Variants in SLC6A11 observed in about 807,000 individuals in gnomAD.
SLC6A11 encodes the protein sodium- and chloride-dependent GABA transporter 3.
SLC6A11 carries 25 observed loss-of-function variants against 74.8 expected under a neutral mutation model. That is an observed-to-expected ratio of 0.33 (90% CI 0.24 to 0.47). SLC6A11 has a LOEUF of 0.47. SLC6A11 is among the 20% of genes least tolerant of loss of function. The probability of loss-of-function intolerance (pLI) is 1.00; values close to 1 mark genes in which losing one functional copy is unlikely to be tolerated. For synonymous variants in SLC6A11, 330 were observed against 330.2 expected, an observed-to-expected ratio of 1.00 and a Z score of 0.01; for missense variants, 574 against 837.0, an observed-to-expected ratio of 0.69 and a Z score of 3.88.
chr3:10,860,860 G>A (rs1694694839), intron 5 of SLC6A11, among the ~76,000 whole-genome samples: 1 of 152,234 alleles, frequency 6.6e-6, no homozygotes, highest in African/African-American at 2.4e-5. Flanking sequence ...TAATTTTGGT[G>A]TTGAGTATGT....
chr3:10,869,943 G>A (rs1177115650), intron 5 of SLC6A11, among the ~76,000 whole-genome samples: 1 of 152,172 alleles, frequency 6.6e-6, no homozygotes, highest in East Asian at 1.9e-4. Context: ...TGTGGGGGAA[G>A]CTGAGAAGAG....
In SLC6A11 at chr3:10,938,755, G is replaced by C. The variant is rs1323483779; in HGVS notation, c.*353G>C. On this transcript the variant is annotated 3_prime_UTR_variant, in exon 14 of 14. Transcript: ENST00000254488. ...CCAGGTGGGGTGGGGAGTGATGGCT[G>C]TCCTCCTCTGTCGGCCTTTTAATGA... 6.1e-6 allele frequency: 1 copy of C among 164,498 alleles called. No individual in the cohort carries two copies. Among genetic ancestry groups the C allele is most frequent in the African/African-American group, 2.4e-5 (1 of 41,958 alleles). The allele number at this position is 164,498 out of a possible 1,614,324, so 10.2% of individuals were successfully genotyped here.
In SLC6A11 at chr3:10,881,110, G is replaced by A. The variant is rs115431494; in HGVS notation, c.891+6015G>A. On this transcript the variant is annotated intron_variant, in intron 6 of 13. Transcript: ENST00000254488. ...CGACTTGTGCCTTTTATACATTAGA[G>A]TGGGCTTAAAGTGACTGCATTTAGG... Among the ~76,000 whole-genome samples the A allele has an allele frequency of 9.0e-3, 1,376 of 152,282 alleles. 14 individuals carry two copies. Among genetic ancestry groups the A allele is most frequent in the Middle Eastern group, 0.014 (4 of 294 alleles).
In SLC6A11 at chr3:10,907,876, C is replaced by A. The variant is rs117169398; in HGVS notation, c.892-4214C>A. Among the ~76,000 whole-genome samples the A allele has an allele frequency of 9.7e-3, 1,484 of 152,308 alleles. 89 individuals are homozygous for A. The East Asian group carries it at 0.12, about 12-fold the overall frequency. On this transcript the variant is annotated intron_variant, in intron 6 of 13. Coordinates refer to ENST00000254488, the MANE Select transcript of SLC6A11 (RefSeq NM_014229.3). ...CTTTCCAGAGGAATTTACTGGAAAA[C>A]ATTCTACAGATAACAAAATTGACTG...
rs1300245826 is a variant in SLC6A11 at position 10,935,150 on chromosome 3, C to T, written c.1697C>T (p.Pro566Leu). The change falls in exon 13 of 14, where the codon CCG becomes CTG. Residue 566 changes from proline (P) to leucine (L), a missense_variant. Physicochemically the swap from Pro to Leu is moderately conservative, Grantham distance 98. Coordinates refer to ENST00000254488, the MANE Select transcript of SLC6A11 (RefSeq NM_014229.3). ...GCCCTGTCCTCCATGCTCTGCATCC[C>T]GCTCTGGATCTGCATCACAGTGTGG... Reference protein sequence around the residue: ...LMALSSMLCIPLWICITVWKT... With the variant: ...LMALSSMLCILLWICITVWKT... 5 of 1,614,114 alleles carry T rather than the reference C, an allele frequency of 3.1e-6. No individual in the cohort carries two copies. The highest frequency in any genetic ancestry group is 4.2e-6 in the Non-Finnish European group (5 of 1,180,042).
chr3:10,821,517 G>A (rs1318468930), intron 3 of SLC6A11, among the ~76,000 whole-genome samples: 1 of 152,158 alleles, frequency 6.6e-6, no homozygotes, highest in Non-Finnish European at 1.5e-5. Context: ...GTCCATGGAG[G>A]AATAAACCAC....
At chr3:10,861,635 T>G (rs979342475) in intron 5 of SLC6A11, among the ~76,000 whole-genome samples, 1 of 152,134 alleles carries the variant, frequency 6.6e-6, no homozygotes, top group African/African-American at 2.4e-5. Flanking sequence ...GTTTTAAAGC[T>G]GCAAAGATAG....
In SLC6A11 at chr3:10,936,582, G is replaced by A. The variant is rs564315565; in HGVS notation, c.1746+1383G>A. Among the ~76,000 whole-genome samples, 8 of 152,334 alleles carry A rather than the reference G, an allele frequency of 5.3e-5. No individual in the cohort carries two copies. In the East Asian group the frequency reaches 1.2e-3, roughly 22 times the overall value. Reference sequence around the variant, plus strand: ...AATAGTCATGCATCCAGCCAGAAGGGGCCAGCCACAAAGGAAAGTCTCTTT... The same window carrying A: ...AATAGTCATGCATCCAGCCAGAAGGAGCCAGCCACAAAGGAAAGTCTCTTT... On this transcript the variant is annotated intron_variant, in intron 13 of 13. Transcript: ENST00000254488.
intron 5 of SLC6A11, among the ~76,000 whole-genome samples, chr3:10,853,842 G>T (rs969795763): frequency 7.9e-5 from 12 of 152,300 alleles, no homozygotes; most frequent in African/African-American, 2.4e-4. Context: ...TAGCCACCTT[G>T]CACGTGACAG....
At chr3:10,873,385 G>GCTATCCTATCCTATCC (rs1694850882) in intron 5 of SLC6A11, among the ~76,000 whole-genome samples, 1 of 118,766 alleles carries the variant, frequency 8.4e-6, no homozygotes, top group African/African-American at 3.4e-5. Flanking sequence ...CTTCATTATT[G>GCTATCCTATCCTATCC]TATCCTATCC....
chr3:10,840,047 T>G (rs1694418017), intron 4 of SLC6A11, among the ~76,000 whole-genome samples: 1 of 152,134 alleles, frequency 6.6e-6, no homozygotes. Flanking sequence ...ATTCCTCCCA[T>G]GGCAGCTAGA....
Position 10,823,330 on chromosome 3 carries a change from T to A in SLC6A11, c.561T>A (p.Asn187Lys), listed in dbSNP as rs1348901964. 1 of 1,613,692 alleles carries A rather than the reference T, an allele frequency of 6.2e-7. No homozygotes were observed. Among genetic ancestry groups the A allele is most frequent in the Non-Finnish European group, 8.5e-7 (1 of 1,179,578 alleles). The change falls in exon 4 of 14, where the codon AAT (asparagine) becomes AAA (lysine). Residue 187 changes from asparagine (N) to lysine (K), a missense_variant. Transcript: ENST00000254488. ...ATTGTGTGGAGTTCCAGAAACTGAA[T>A]GTGAGCAACTACAGCCATGTGTCTC... ...TENCVEFQKL[N>K]VSNYSHVSLQ...
intron 5 of SLC6A11, among the ~76,000 whole-genome samples, chr3:10,854,779 G>A (rs997184559): frequency 2.0e-5 from 3 of 152,172 alleles, no homozygotes; most frequent in Admixed American, 1.3e-4. Flanking sequence ...TTTCAGTCCA[G>A]TCTTCCTACC....
At chr3:10,844,928 C>G (rs1694484854) in intron 5 of SLC6A11, among the ~76,000 whole-genome samples, 1 of 152,198 alleles carries the variant, frequency 6.6e-6, no homozygotes, top group African/African-American at 2.4e-5. Flanking sequence ...ACACATGGCT[C>G]TTCCACTCAC....
intron 5 of SLC6A11, among the ~76,000 whole-genome samples, chr3:10,855,892 G>A (rs961941165): frequency 6.6e-6 from 1 of 152,154 alleles, no homozygotes; most frequent in Non-Finnish European, 1.5e-5. Context: ...CCTCTCTTCG[G>A]TTTTCCTTCC....
intron 4 of SLC6A11, among the ~76,000 whole-genome samples, chr3:10,827,271 A>C (rs750912562): frequency 1.7e-4 from 26 of 152,158 alleles, no homozygotes; most frequent in Non-Finnish European, 2.6e-4. Flanking sequence ...GGAATAAATT[A>C]GAATCCCTTC....
intron 5 of SLC6A11, among the ~76,000 whole-genome samples, chr3:10,859,546 G>A (rs965548861): frequency 4.6e-5 from 7 of 152,226 alleles, no homozygotes; most frequent in Admixed American, 1.3e-4. Flanking sequence ...AGAGATGTGT[G>A]CAGTGGAATC....
chr3:10,929,629 C>T (rs1298978779), intron 10 of SLC6A11, among the ~76,000 whole-genome samples: 2 of 152,212 alleles, frequency 1.3e-5, no homozygotes, highest in Non-Finnish European at 2.9e-5. Flanking sequence ...AGCACATGGA[C>T]TCCTGGGCCA....
intron 1 of SLC6A11, among the ~76,000 whole-genome samples, chr3:10,817,346 G>C (rs1694077108): frequency 6.6e-6 from 1 of 152,186 alleles, no homozygotes; most frequent in Admixed American, 6.5e-5. Context: ...AGTGATGAGA[G>C]AGTCCTTTCT....
Sources: gnomAD v4.1 joint callset for allele counts (sites outside exome capture counted in the v4.1 genomes callset) on GRCh38, gnomAD v4.1.1 for gene constraint, MANE v1.5 for transcripts, NCBI Gene and HGNC (gene_info 2026-07-23, HGNC 2026-07-21) for gene names.